Variants in CHRDL1 observed in about 807,000 individuals in gnomAD.
CHRDL1 encodes chordin-like protein 1.
A neutral mutation model predicts 40.9 loss-of-function variants in CHRDL1; 19 were observed. That is an observed-to-expected ratio of 0.46 (90% CI 0.32 to 0.68). The LOEUF is 0.68. Ranked by LOEUF, CHRDL1 falls within the 30% of genes least tolerant of loss-of-function variation. The pLI is 0.03. For synonymous variants in CHRDL1, 136 were observed against 123.4 expected (o/e 1.10, Z -0.68); for missense variants, 329 against 352.1 (o/e 0.93, Z 0.53).
Position 110,728,482 on chromosome X carries a change from C to T in CHRDL1, c.302-6952G>A, listed in dbSNP as rs750517901. Among the ~76,000 whole-genome samples, 28 of 111,541 alleles carry T rather than the reference C, an allele frequency of 2.5e-4. No homozygotes were observed. The South Asian group carries it at 5.7e-3, about 23-fold the overall frequency. On this transcript the variant is annotated intron_variant, in intron 4 of 11. Coordinates refer to ENST00000372042, the MANE Select transcript of CHRDL1 (RefSeq NM_001143981.2). Reference sequence around the variant, plus strand: ...ATCCTACAAAGCTGGTCATCAGAAGCCCGGCTGTATTCCTACTAGTGGGAG... The same window carrying T: ...ATCCTACAAAGCTGGTCATCAGAAGTCCGGCTGTATTCCTACTAGTGGGAG...
intron 6 of CHRDL1, among the ~76,000 whole-genome samples, chrX:110,702,339 T>C (rs1291603817): frequency 8.9e-6 from 1 of 112,251 alleles, no homozygotes; most frequent in African/African-American, 3.2e-5. Flanking sequence ...AAGTTTTCTC[T>C]CCTCTGCAAA....
intron 5 of CHRDL1, among the ~76,000 whole-genome samples, chrX:110,720,732 C>G (rs999607515): frequency 8.9e-6 from 1 of 111,967 alleles, no homozygotes; most frequent in Non-Finnish European, 1.9e-5. Context: ...CATCTAACTT[C>G]ATTCCTTCCT....
chrX:110,701,943 G>T (rs772396541), intron 6 of CHRDL1, among the ~76,000 whole-genome samples: 77 of 112,086 alleles, frequency 6.9e-4, no homozygotes, highest in Non-Finnish European at 1.3e-3. Context: ...AGCAATATTA[G>T]AATCAGGCAG....
intron 4 of CHRDL1, among the ~76,000 whole-genome samples, chrX:110,743,270 C>G (rs1185783360): frequency 8.9e-6 from 1 of 112,565 alleles, no homozygotes; most frequent in Non-Finnish European, 1.9e-5. Flanking sequence ...GGCTTGTGCT[C>G]ATGATGGCTG....
At chrX:110,766,173 C>T (rs934177260) in intron 2 of CHRDL1, among the ~76,000 whole-genome samples, 1 of 111,336 alleles carries the variant, frequency 9.0e-6, no homozygotes, top group Non-Finnish European at 1.9e-5. Context: ...AGAACCTTAT[C>T]AAAATCTCTG....
intron 7 of CHRDL1, among the ~76,000 whole-genome samples, chrX:110,698,796 G>C (rs1234088519): frequency 2.7e-5 from 3 of 112,484 alleles, no homozygotes; most frequent in Admixed American, 9.3e-5. Flanking sequence ...ATAGTGCTTA[G>C]TGTGGGGGCC....
intron 6 of CHRDL1, among the ~76,000 whole-genome samples, chrX:110,701,494 T>A (rs2148442205): frequency 8.9e-6 from 1 of 112,147 alleles, no homozygotes; most frequent in South Asian, 3.8e-4. Context: ...AAGAATTTTC[T>A]ATTCTGATTA....
At chrX:110,738,667 G>A (rs197041) in intron 4 of CHRDL1, among the ~76,000 whole-genome samples, 106 of 107,191 alleles carry the variant, frequency 9.9e-4, no homozygotes, top group African/African-American at 3.1e-3. Context: ...GCGTGAACCC[G>A]GGAGGTGGAG....
intron 2 of CHRDL1, among the ~76,000 whole-genome samples, chrX:110,788,487 G>T (rs1039584539): frequency 2.7e-5 from 3 of 111,756 alleles, no homozygotes; most frequent in Non-Finnish European, 3.8e-5. Context: ...ATTCTAACCA[G>T]CCCCTGCAAG....
intron 1 of CHRDL1, among the ~76,000 whole-genome samples, chrX:110,795,372 G>C (rs1043595949): frequency 1.8e-5 from 2 of 112,122 alleles, no homozygotes; most frequent in Non-Finnish European, 3.8e-5. Context: ...GTATTCATCA[G>C]CAAAATGAGA....
rs774792129 is a variant in CHRDL1, at chrX:110,710,151, C to G, written c.542-9430G>C. Among the ~76,000 whole-genome samples, 13 of 112,254 alleles carry G rather than the reference C, an allele frequency of 1.2e-4. No homozygotes were observed. In the East Asian group the frequency reaches 3.6e-3, roughly 31 times the overall value. ...AAAATGAAAAGCAGTCAGTTGTATA[C>G]ACTGCTCTTCCTTCTCATGTATCTT... On this transcript the variant is annotated intron_variant, in intron 6 of 11. Coordinates refer to ENST00000372042, the MANE Select transcript of CHRDL1 (RefSeq NM_001143981.2).
rs189030964 is a variant in CHRDL1 at position 110,745,274 on chromosome X, G to A, written c.301+14387C>T. On this transcript the variant is annotated intron_variant, in intron 4 of 11. Transcript: ENST00000372042. Reference sequence around the variant, plus strand: ...GGCTGGGAGAGAGATGAGGATATGAGGGACTGCAAGAGAGGAAAGGGGATG... The same window carrying A: ...GGCTGGGAGAGAGATGAGGATATGAAGGACTGCAAGAGAGGAAAGGGGATG... Among the ~76,000 whole-genome samples, 298 of 111,528 alleles carry A rather than the reference G, an allele frequency of 2.7e-3. 1 individual carries two copies. The highest frequency in any genetic ancestry group is 9.0e-3 in the African/African-American group (276 of 30,646).
intron 2 of CHRDL1, among the ~76,000 whole-genome samples, chrX:110,763,384 T>C (rs1249287181): frequency 2.7e-5 from 3 of 110,015 alleles, no homozygotes; most frequent in African/African-American, 9.9e-5. Flanking sequence ...ATGTTCGGTT[T>C]CCATTTCTGA....
intron 4 of CHRDL1, among the ~76,000 whole-genome samples, chrX:110,748,438 G>A (rs956623578): frequency 8.9e-6 from 1 of 111,934 alleles, no homozygotes; most frequent in Non-Finnish European, 1.9e-5. Context: ...ACATTAATAA[G>A]GAACACGTCT....
intron 4 of CHRDL1, 102 bp from the exon 5 acceptor site, chrX:110,721,632 T>A: frequency 1.5e-6 from 1 of 658,397 alleles, no homozygotes; most frequent in Non-Finnish European, 2.4e-6. Context: ...GAGGGAGTTT[T>A]AAGACAGTCC....
intron 4 of CHRDL1, among the ~76,000 whole-genome samples, chrX:110,740,639 T>A (rs2071343583): frequency 8.9e-6 from 1 of 112,164 alleles, no homozygotes; most frequent in Non-Finnish European, 1.9e-5. Flanking sequence ...TATGTAATAT[T>A]TGATGAGGAA....
rs943981331 is a variant in CHRDL1 at position 110,674,805 on chromosome X, G to T, written c.*1426C>A. ...TACAGTTCATTCCTGCCCCTCAGAGGGAACAAATCTAGAAGGCATGCCTGA... is the reference window on the plus strand; with the variant it reads ...TACAGTTCATTCCTGCCCCTCAGAGTGAACAAATCTAGAAGGCATGCCTGA... On this transcript the variant is annotated 3_prime_UTR_variant, in exon 12 of 12. Transcript: ENST00000372042. 1 of 112,151 alleles carries T rather than the reference G, an allele frequency of 8.9e-6. No individual in the cohort carries two copies. Among genetic ancestry groups the T allele is most frequent in the Non-Finnish European group, 1.9e-5 (1 of 53,183 alleles). The allele number at this position is 112,151 out of a possible 1,213,427, so 9.2% of individuals were successfully genotyped here. A position where few individuals can be genotyped will look rare whatever the true frequency, so the allele number is the denominator to read the frequency against.
At chrX:110,784,482 G>A (rs2089987537) in intron 2 of CHRDL1, among the ~76,000 whole-genome samples, 1 of 110,432 alleles carries the variant, frequency 9.1e-6, no homozygotes, top group African/African-American at 3.3e-5. Flanking sequence ...CACAATCTCG[G>A]CTCACTGCAA....
intron 4 of CHRDL1, among the ~76,000 whole-genome samples, chrX:110,725,792 G>A (rs2071045068): frequency 8.9e-6 from 1 of 111,945 alleles, no homozygotes; most frequent in African/African-American, 3.2e-5. Flanking sequence ...TGCCATTGCT[G>A]CCATTACTTT....
Sources: gnomAD v4.1 joint callset for allele counts (sites outside exome capture counted in the v4.1 genomes callset) on GRCh38, gnomAD v4.1.1 for gene constraint, MANE v1.5 for transcripts, NCBI Gene and HGNC (gene_info 2026-07-23, HGNC 2026-07-21) for gene names.